SNX29: variants seen among roughly 807,000 people sequenced by gnomAD.
SNX29 encodes sorting nexin-29.
SNX29 carries 78 observed loss-of-function variants against 102.1 expected under a neutral mutation model. The ratio of observed to expected loss-of-function variants is 0.76; its 90% CI spans 0.64 to 0.92. The LOEUF (loss-of-function observed/expected upper bound fraction) is 0.92, where lower values mean the gene tolerates loss of function less well. Among genes scored for constraint, SNX29 ranks in the 40% least tolerant of loss-of-function variants. The pLI is 0.00. For synonymous variants in SNX29, 580 were observed against 414.5 expected (o/e 1.40, Z -4.85); for missense variants, 1,280 against 1,061.7 (o/e 1.21, Z -2.86).
chr16:12,540,105 C>T (rs934167585), intron 20 of SNX29, among the ~76,000 whole-genome samples: 3 of 152,212 alleles, frequency 2.0e-5, no homozygotes, highest in South Asian at 2.1e-4. Context: ...AAACCCAGGT[C>T]ATAAAGATTT....
chr16:12,567,076 G>A (rs142607187), intron 20 of SNX29, among the ~76,000 whole-genome samples: 1 of 152,362 alleles, frequency 6.6e-6, no homozygotes, highest in African/African-American at 2.4e-5. Context: ...GAACCCTGCA[G>A]GGATCCTCGA....
At chr16:12,488,822 G>T (rs192189277) in intron 19 of SNX29, among the ~76,000 whole-genome samples, 70 of 152,250 alleles carry the variant, frequency 4.6e-4, no homozygotes, top group African/African-American at 1.6e-3. Flanking sequence ...TCTGGGGTCT[G>T]GTGTTCTCAG....
At chr16:12,121,820 G>A (rs1220104465) in intron 11 of SNX29, among the ~76,000 whole-genome samples, 2 of 152,122 alleles carry the variant, frequency 1.3e-5, no homozygotes, top group Non-Finnish European at 2.9e-5. Context: ...TATTTTTTGA[G>A]ATGGAGTCTC....
intron 1 of SNX29, among the ~76,000 whole-genome samples, chr16:11,985,697 G>A (rs1426294596): frequency 6.6e-6 from 1 of 152,152 alleles, no homozygotes; most frequent in African/African-American, 2.4e-5. Flanking sequence ...CTGGATGGAG[G>A]ATGAACTTCA....
At chr16:12,315,114 G>A (rs1028440907) in intron 15 of SNX29, among the ~76,000 whole-genome samples, 4 of 152,112 alleles carry the variant, frequency 2.6e-5, no homozygotes, top group Non-Finnish European at 5.9e-5. Flanking sequence ...ATCATGGGAG[G>A]CCTCACTGTC....
rs4781167 is a variant in SNX29 at position 12,025,410 on chromosome 16, G to T, written c.123-1910G>T. ...CCAGCAAAGAGGTTTGTTTCAATGT[G>T]GGGGAGTATTCTGGGATCTCTGGTT... On this transcript the variant is annotated intron_variant, in intron 3 of 20. Coordinates refer to ENST00000566228, the MANE Select transcript of SNX29 (RefSeq NM_032167.5). Among the ~76,000 whole-genome samples the T allele has an allele frequency of 5.2e-3, 783 of 151,730 alleles. 8 individuals are homozygous for T. Among genetic ancestry groups the T allele is most frequent in the South Asian group, 0.027 (128 of 4,816 alleles).
chr16:12,439,312 A>G (rs555019542), intron 18 of SNX29, among the ~76,000 whole-genome samples: 1 of 152,224 alleles, frequency 6.6e-6, no homozygotes, highest in South Asian at 2.1e-4. Context: ...GTCACCAGAG[A>G]GGCCAGCGGG....
rs894998767 is a variant in SNX29, at chr16:12,570,945, G to A, written c.*2316G>A. ...GAGAGCATGTTCCTGGGAGCCACATGGGGACCATCCCCAGCTGCCTGCTCC... is the reference window on the plus strand; with the variant it reads ...GAGAGCATGTTCCTGGGAGCCACATAGGGACCATCCCCAGCTGCCTGCTCC... On this transcript the variant is annotated 3_prime_UTR_variant, in exon 21 of 21. Transcript: ENST00000566228. 1 of 231,954 alleles carries A rather than the reference G, an allele frequency of 4.3e-6. No homozygotes were observed. The highest frequency in any genetic ancestry group is 6.1e-5 in the East Asian group (1 of 16,384). 14.4% of individuals were successfully genotyped at this position (231,954 alleles called of 1,614,324 possible).
chr16:12,538,589 G>C (rs1168446171), intron 20 of SNX29, among the ~76,000 whole-genome samples: 1 of 152,142 alleles, frequency 6.6e-6, no homozygotes, highest in Non-Finnish European at 1.5e-5. Context: ...TCTGTGTCTG[G>C]GAATCAGTAG....
At chr16:12,433,650 A>AT (rs1491545656) in intron 18 of SNX29, among the ~76,000 whole-genome samples, 1 of 48,014 alleles carries the variant, frequency 2.1e-5, no homozygotes, top group Non-Finnish European at 5.1e-5. Flanking sequence ...AAAAAAAAAA[A>AT]GGAAACTTAG....
intron 16 of SNX29, among the ~76,000 whole-genome samples, chr16:12,370,207 G>C (rs2082632973): frequency 2.0e-5 from 3 of 152,130 alleles, no homozygotes; most frequent in Admixed American, 2.0e-4. Context: ...GAGAGACAGA[G>C]CAAGACTCCA....
At chr16:12,277,810 G>GT in intron 14 of SNX29, 123 bp from the exon 15 acceptor site, 2 of 731,716 alleles carry the variant, frequency 2.7e-6, no homozygotes, top group Non-Finnish European at 4.6e-6. Context: ...GTGTGTGTGT[G>GT]TTTTTCTTGA....
At chr16:12,398,155 G>A (rs1451195739) in intron 16 of SNX29, among the ~76,000 whole-genome samples, 4 of 151,982 alleles carry the variant, frequency 2.6e-5, no homozygotes, top group Non-Finnish European at 5.9e-5. Flanking sequence ...GGCCTTTATC[G>A]CTCCAAAATT....
At chr16:12,056,669 A>G (rs1409143153) in intron 8 of SNX29, among the ~76,000 whole-genome samples, 1 of 152,134 alleles carries the variant, frequency 6.6e-6, no homozygotes, top group Non-Finnish European at 1.5e-5. Context: ...TTTACTGGTC[A>G]TTAACCCATT....
chr16:12,260,025 G>T (rs572261640), intron 14 of SNX29, among the ~76,000 whole-genome samples: 1 of 152,272 alleles, frequency 6.6e-6, no homozygotes, highest in Admixed American at 6.5e-5. Flanking sequence ...TTCTGTTCCT[G>T]CAGGAGACAG....
chr16:12,564,744 A>C (rs944492402), intron 20 of SNX29, among the ~76,000 whole-genome samples: 3 of 151,398 alleles, frequency 2.0e-5, no homozygotes, highest in African/African-American at 7.3e-5. Flanking sequence ...GTGCCTAACA[A>C]CTGTCTGCTT....
At chr16:12,435,601 G>A (rs947567699) in intron 18 of SNX29, among the ~76,000 whole-genome samples, 3 of 152,232 alleles carry the variant, frequency 2.0e-5, no homozygotes, top group Admixed American at 2.0e-4. Flanking sequence ...AGAGGACGCA[G>A]TTTAGAAAAC....
At chr16:12,050,868 C>T (rs111981084) in intron 7 of SNX29, among the ~76,000 whole-genome samples, 5,601 of 151,758 alleles carry the variant, frequency 0.037, 340 homozygotes, top group African/African-American at 0.13. Flanking sequence ...CCTGCCACCA[C>T]GCCCAACTAA....
chr16:12,212,229 G>A (rs759372571), intron 14 of SNX29, among the ~76,000 whole-genome samples: 8 of 152,124 alleles, frequency 5.3e-5, no homozygotes, highest in East Asian at 1.9e-4. Context: ...CTTTCCCCCC[G>A]GAGACTGAAA....
Sources: gnomAD v4.1 joint callset for allele counts (sites outside exome capture counted in the v4.1 genomes callset) on GRCh38, gnomAD v4.1.1 for gene constraint, MANE v1.5 for transcripts, NCBI Gene and HGNC (gene_info 2026-07-23, HGNC 2026-07-21) for gene names.